Variants in TINAG observed in about 807,000 individuals in gnomAD.
TINAG encodes the protein tubulointerstitial nephritis antigen.
Under a neutral mutation model 72.7 loss-of-function variants are expected in TINAG, and 83 were observed. The observed-to-expected ratio is 1.14, with a 90% CI of 0.96 to 1.37. TINAG has a LOEUF of 1.37. TINAG is among the 40% of genes most tolerant of loss of function. The pLI, the probability that TINAG is intolerant of heterozygous loss-of-function variation, is 0.00. For synonymous variants in TINAG, 234 were observed against 189.9 expected, an observed-to-expected ratio of 1.23 and a Z score of -1.91; for missense variants, 685 against 576.6, an observed-to-expected ratio of 1.19 and a Z score of -1.93.
At chr6:54,343,195 T>C in intron 4 of TINAG, 31 bp from the exon 5 acceptor site, 1 of 1,455,682 alleles carries the variant, frequency 6.9e-7, no homozygotes, top group South Asian at 1.6e-5. Context: ...TTTGAGAAAA[T>C]CTCATATATG....
intron 9 of TINAG, among the ~76,000 whole-genome samples, chr6:54,376,652 C>A (rs964023144): frequency 1.3e-4 from 20 of 152,148 alleles, no homozygotes; most frequent in Middle Eastern, 6.8e-3. Context: ...GCATAGTTAT[C>A]TAAAAAGAAC....
intron 4 of TINAG, among the ~76,000 whole-genome samples, chr6:54,342,561 G>T (rs1785022882): frequency 6.6e-6 from 1 of 151,936 alleles, no homozygotes; most frequent in Non-Finnish European, 1.5e-5. Context: ...GTAAAGACGG[G>T]TTTTCACCAT....
intron 1 of TINAG, among the ~76,000 whole-genome samples, chr6:54,320,123 T>C (rs922069896): frequency 1.3e-5 from 2 of 152,140 alleles, no homozygotes; most frequent in African/African-American, 4.8e-5. Flanking sequence ...CTTTGTAAGG[T>C]AAATTCAATG....
In TINAG at chr6:54,360,841, GTTTTTTTTT is replaced by G. The variant is rs70983415; in HGVS notation, c.1250+6228_1250+6236del. Among the ~76,000 whole-genome samples the G allele has an allele frequency of 2.2e-3, 58 of 26,250 alleles. No individual in the cohort carries two copies. The East Asian group carries it at 0.026, about 12-fold the overall frequency. The allele number at this position is 26,250 out of a possible 152,430, so 17.2% of individuals were successfully genotyped here. On this transcript the variant is annotated intron_variant, in intron 9 of 10. Coordinates refer to ENST00000259782, the MANE Select transcript of TINAG (RefSeq NM_014464.4). ...GTTTCTTGTGTTTCACAGATACTGTGTTTTTTTTTTTTTTTTTTTTTTTTTTTTTTTCAA... is the reference window on the plus strand; with the variant it reads ...GTTTCTTGTGTTTCACAGATACTGTGTTTTTTTTTTTTTTTTTTTTTTCAA...
intron 4 of TINAG, among the ~76,000 whole-genome samples, chr6:54,329,716 A>G (rs939196345): frequency 2.0e-5 from 3 of 152,220 alleles, no homozygotes; most frequent in African/African-American, 7.2e-5. Context: ...ATTGTGCTGT[A>G]TTCAGGAGAC....
intron 9 of TINAG, among the ~76,000 whole-genome samples, chr6:54,359,393 A>G (rs559443404): frequency 6.6e-6 from 1 of 151,946 alleles, no homozygotes; most frequent in African/African-American, 2.4e-5. Context: ...ATACTTTTCT[A>G]TTATTCATAG....
chr6:54,365,520 C>T (rs1056098337), intron 9 of TINAG: 1 of 151,556 alleles, frequency 6.6e-6, no homozygotes, highest in African/African-American at 2.4e-5. Context: ...CTCATCCAGC[C>T]TAGGGACAAT....
At chr6:54,381,160 T>C (rs1184179654) in intron 10 of TINAG, among the ~76,000 whole-genome samples, 1 of 148,018 alleles carries the variant, frequency 6.8e-6, no homozygotes, top group Non-Finnish European at 1.5e-5. Context: ...ATATATCCTA[T>C]AGGTTAAGGC....
intron 9 of TINAG, among the ~76,000 whole-genome samples, chr6:54,365,029 C>T (rs1763363219): frequency 6.6e-6 from 1 of 151,448 alleles, no homozygotes; most frequent in Non-Finnish European, 1.5e-5. Flanking sequence ...TTTTGAAAAA[C>T]AACTGAATGC....
chr6:54,343,102 A>T, intron 4 of TINAG, 124 bp from the exon 5 acceptor site: 1 of 837,450 alleles, frequency 1.2e-6, no homozygotes. Context: ...GCTGTAGTTC[A>T]TCTGGAAACT....
chr6:54,376,934 G>C (rs1394102639), intron 9 of TINAG, among the ~76,000 whole-genome samples: 1 of 152,116 alleles, frequency 6.6e-6, no homozygotes, highest in Non-Finnish European at 1.5e-5. Flanking sequence ...GAAGGGCTCA[G>C]GCAGCACTCA....
At position 54,349,747 on chromosome 6, in the gene TINAG, A is replaced by T; in HGVS notation, c.931A>T (p.Lys311Ter). The change falls in exon 7 of 11, where the codon AAA (lysine) becomes TAA (stop). Residue 311 changes from lysine to a stop codon, truncating the protein, a stop_gained. Transcript: ENST00000259782. LOFTEE classifies it high-confidence loss of function. ...ATCCCACGCATGCTACCCACTTTTC[A>T]AAGACCAAAATGCTACCAACAATGG... Reference protein sequence around the residue: ...LVSHACYPLFKDQNATNNGCA... With the variant: ...LVSHACYPLF The T allele has an allele frequency of 6.2e-7, 1 of 1,601,840 alleles. No homozygotes were observed. Among genetic ancestry groups the T allele is most frequent in the Non-Finnish European group, 8.5e-7 (1 of 1,172,434 alleles).
At position 54,389,986 on chromosome 6, in the gene TINAG, A is replaced by C; in HGVS notation, c.*61A>C. On this transcript the variant is annotated 3_prime_UTR_variant, in exon 11 of 11. Coordinates refer to ENST00000259782, the MANE Select transcript of TINAG (RefSeq NM_014464.4). The stretch of plus-strand genomic sequence containing the variant: ...GTAACCCCCTAAATTGAAGTTTAGC[A>C]ATATGACATTCTTGGTGACAGTGGA... The C allele has an allele frequency of 6.3e-7, 1 of 1,574,984 alleles. No homozygotes were observed. The highest frequency in any genetic ancestry group is 1.2e-5 in the South Asian group (1 of 84,352).
At chr6:54,357,718 T>G (rs1331351265) in intron 9 of TINAG, among the ~76,000 whole-genome samples, 1 of 151,932 alleles carries the variant, frequency 6.6e-6, no homozygotes, top group Non-Finnish European at 1.5e-5. Context: ...ACCATCACCC[T>G]TGCCTAAGCC....
intron 5 of TINAG, among the ~76,000 whole-genome samples, chr6:54,345,663 G>C (rs984046952): frequency 1.3e-5 from 2 of 152,082 alleles, no homozygotes; most frequent in African/African-American, 2.4e-5. Context: ...ATTTTCTTGA[G>C]ACTATCAGAA....
chr6:54,381,167 A>G (rs1402452655), intron 10 of TINAG, among the ~76,000 whole-genome samples: 1 of 147,464 alleles, frequency 6.8e-6, no homozygotes, highest in Non-Finnish European at 1.5e-5. Flanking sequence ...CTATAGGTTA[A>G]GGCTTTTTTT....
upstream of TINAG, chr6:54,308,095 G>C (rs1031775373): frequency 6.5e-7 from 1 of 1,549,804 alleles, no homozygotes; most frequent in Admixed American, 2.0e-5. Context: ...TTTCAATGCA[G>C]GCAGGTGAAA....
chr6:54,342,563 T>A (rs1235908723), intron 4 of TINAG, among the ~76,000 whole-genome samples: 1 of 152,104 alleles, frequency 6.6e-6, no homozygotes, highest in Non-Finnish European at 1.5e-5. Context: ...AAAGACGGGT[T>A]TTCACCATGT....
chr6:54,371,926 T>C (rs751432714), intron 9 of TINAG, among the ~76,000 whole-genome samples: 2 of 151,350 alleles, frequency 1.3e-5, no homozygotes, highest in East Asian at 3.9e-4. Flanking sequence ...AGCAATGGAT[T>C]ATACAAAGTT....
Sources: allele counts gnomAD v4.1 joint callset (sites outside exome capture counted in the v4.1 genomes callset), GRCh38; gene constraint gnomAD v4.1.1; transcripts MANE v1.5; gene names NCBI Gene and HGNC (gene_info 2026-07-23, HGNC 2026-07-21).